CSMD3: variants seen among roughly 807,000 people sequenced by gnomAD.
CSMD3 encodes CUB and Sushi multiple domains 3, also known as CUB and sushi domain-containing protein 3.
Under a neutral mutation model 435.2 loss-of-function variants are expected in CSMD3, and 177 were observed. The observed-to-expected ratio is 0.41, with a 90% CI of 0.36 to 0.46. The LOEUF (loss-of-function observed/expected upper bound fraction) is 0.46. CSMD3 is among the 20% of genes least tolerant of loss of function. CSMD3 has a pLI of 0.34. For missense variants in CSMD3, 4,265 were observed against 4,504.6 expected (o/e 0.95, Z 1.52); for synonymous variants, 1,656 against 1,520.5 (o/e 1.09, Z -2.07).
At chr8:112,366,224 C>T (rs1050135885) in intron 38 of CSMD3, among the ~76,000 whole-genome samples, 1 of 152,210 alleles carries the variant, frequency 6.6e-6, no homozygotes, top group South Asian at 2.1e-4. Flanking sequence ...TCTGGAGAAA[C>T]CAAGGAAAAT....
rs762528473 is a variant in CSMD3, at chr8:112,291,559, C to T, written c.8925G>A (p.Leu2975=). ...CCCATTGTCCATTTGGTTGACATAT[C>T]AAAACTGAAGATCCAAATAAAAAAT... The part of the protein sequence containing the change: ...PGYFLFGSSV[L]ICQPNGQWDK... The change falls in exon 56 of 71, where the codon TTG becomes TTA. Residue 2975 remains leucine, a synonymous_variant. Transcript: ENST00000297405. The T allele has an allele frequency of 6.2e-7, 1 of 1,611,626 alleles. No homozygotes were observed. The highest frequency in any genetic ancestry group is 2.2e-5 in the East Asian group (1 of 44,692).
chr8:112,279,408 T>C lies in CSMD3; in HGVS notation c.9508+1766A>G, dbSNP rs534706036. 1.7e-4 allele frequency among the ~76,000 whole-genome samples: 26 copies of C among 152,276 alleles called. 1 individual carries two copies. The highest frequency in any genetic ancestry group is 6.8e-3 in the Middle Eastern group (2 of 294). On this transcript the variant is annotated intron_variant, in intron 59 of 70. Transcript: ENST00000297405. Reference sequence around the variant, plus strand: ...GAAACTGTTGCTTTGCCTAAATTCCTTGTGGTCAGAGTGCCCATTGACCTA... The same window carrying C: ...GAAACTGTTGCTTTGCCTAAATTCCCTGTGGTCAGAGTGCCCATTGACCTA...
chr8:112,642,267 G>T (rs560290632), intron 20 of CSMD3, among the ~76,000 whole-genome samples: 2 of 151,832 alleles, frequency 1.3e-5, no homozygotes, highest in African/African-American at 4.8e-5. Flanking sequence ...AAAGTCTAAG[G>T]GTTTTTCCTG....
chr8:112,604,402 T>A (rs1586787843), intron 22 of CSMD3, among the ~76,000 whole-genome samples: 1 of 151,354 alleles, frequency 6.6e-6, no homozygotes, highest in East Asian at 2.0e-4. Flanking sequence ...ATCAATACAA[T>A]GAAAACAGCG....
At chr8:113,141,687 C>T (rs932917594) in intron 4 of CSMD3, among the ~76,000 whole-genome samples, 1 of 150,952 alleles carries the variant, frequency 6.6e-6, no homozygotes, top group Non-Finnish European at 1.5e-5. Flanking sequence ...ACTTTCTCAA[C>T]ATAACAAAGA....
At chr8:112,487,617 T>C (rs1439037000) in intron 31 of CSMD3, among the ~76,000 whole-genome samples, 3 of 152,102 alleles carry the variant, frequency 2.0e-5, no homozygotes, top group Admixed American at 2.0e-4. Flanking sequence ...GATCACTCTA[T>C]TGTGTTTGGA....
rs190296271 is a variant in CSMD3, at chr8:112,485,386, A to C, written c.5278+7103T>G. On this transcript the variant is annotated intron_variant, in intron 31 of 70. Coordinates refer to ENST00000297405, the MANE Select transcript of CSMD3 (RefSeq NM_198123.2). ...TTACCACTAAGCATTTGTTTTATGA[A>C]TCTTTTGTCTGCATGCTTTAATTAT... 6.6e-3 allele frequency among the ~76,000 whole-genome samples: 1,010 copies of C among 152,236 alleles called. 2 individuals carry two copies. The highest frequency in any genetic ancestry group is 0.011 in the Non-Finnish European group (729 of 67,980).
chr8:113,428,395 G>T (rs1245657673), intron 1 of CSMD3, among the ~76,000 whole-genome samples: 1 of 151,668 alleles, frequency 6.6e-6, no homozygotes, highest in Non-Finnish European at 1.5e-5. Context: ...ATTTTGGTAA[G>T]TCTATGGCTT....
intron 66 of CSMD3, 107 bp downstream of exon 66, chr8:112,241,613 T>G: frequency 1.3e-6 from 1 of 769,102 alleles, no homozygotes; most frequent in South Asian, 1.5e-5. Flanking sequence ...ACAGTCATAG[T>G]TTTTTATACT....
At chr8:112,725,759 G>T (rs1199203542) in intron 13 of CSMD3, among the ~76,000 whole-genome samples, 4 of 151,858 alleles carry the variant, frequency 2.6e-5, no homozygotes, top group Non-Finnish European at 5.9e-5. Context: ...GACTCAAACG[G>T]AAGTTATGAA....
chr8:113,436,066 G>A (rs2094704329), intron 1 of CSMD3, among the ~76,000 whole-genome samples: 1 of 152,078 alleles, frequency 6.6e-6, no homozygotes, highest in Non-Finnish European at 1.5e-5. Flanking sequence ...CAGACCCTTC[G>A]AAAGCCTCAT....
intron 9 of CSMD3, among the ~76,000 whole-genome samples, chr8:112,928,148 C>T (rs2082973774): frequency 6.6e-6 from 1 of 151,906 alleles, no homozygotes. Flanking sequence ...ACAGTATACT[C>T]AAAAATAGTG....
At chr8:113,106,219 C>A (rs1156753765) in intron 4 of CSMD3, among the ~76,000 whole-genome samples, 3 of 151,430 alleles carry the variant, frequency 2.0e-5, no homozygotes, top group African/African-American at 7.3e-5. Context: ...ACTATTTAGC[C>A]CTTTTCAGAA....
intron 11 of CSMD3, among the ~76,000 whole-genome samples, chr8:112,855,935 G>A (rs2129801304): frequency 6.6e-6 from 1 of 151,434 alleles, no homozygotes; most frequent in African/African-American, 2.4e-5. Context: ...ATTCCAGTTG[G>A]AGAAGTAATA....
intron 47 of CSMD3, among the ~76,000 whole-genome samples, chr8:112,317,882 G>A (rs537843798): frequency 3.9e-5 from 6 of 151,992 alleles, no homozygotes; most frequent in African/African-American, 1.4e-4. Context: ...ATTTCCAAAC[G>A]AAACCTAAAG....
chr8:113,005,797 T>G (rs929885445), intron 6 of CSMD3, among the ~76,000 whole-genome samples: 19 of 152,072 alleles, frequency 1.2e-4, no homozygotes, highest in Non-Finnish European at 1.6e-4. Context: ...AAATTTGAAG[T>G]GTGTAGGCTT....
intron 16 of CSMD3, among the ~76,000 whole-genome samples, chr8:112,677,384 G>T (rs1388385311): frequency 6.7e-6 from 1 of 150,000 alleles, no homozygotes; most frequent in Non-Finnish European, 1.5e-5. Flanking sequence ...GAAGCCTTCT[G>T]TTTACTTCAT....
At chr8:112,789,615 GAC>G (rs35968219) in intron 13 of CSMD3, among the ~76,000 whole-genome samples, 33,321 of 151,404 alleles carry the variant, frequency 0.22, 4,168 homozygotes, top group East Asian at 0.39. Flanking sequence ...GTTAGTATAT[GAC>G]AGATAATTCA....
At chr8:112,917,168 A>T (rs2082598576) in intron 10 of CSMD3, among the ~76,000 whole-genome samples, 1 of 151,956 alleles carries the variant, frequency 6.6e-6, no homozygotes, top group Non-Finnish European at 1.5e-5. Context: ...GATCCATTCA[A>T]AATTCGAACA....
Sources: gnomAD v4.1 joint callset for allele counts (sites outside exome capture counted in the v4.1 genomes callset) on GRCh38, gnomAD v4.1.1 for gene constraint, MANE v1.5 for transcripts, NCBI Gene and HGNC (gene_info 2026-07-23, HGNC 2026-07-21) for gene names.